Variants in CACNA2D4 observed in about 807,000 individuals in gnomAD.
CACNA2D4 encodes calcium voltage-gated channel auxiliary subunit alpha2delta 4, also known as voltage-dependent calcium channel subunit alpha-2/delta-4.
A neutral mutation model predicts 163.8 loss-of-function variants in CACNA2D4; 157 were observed. That is an observed-to-expected ratio of 0.96 (90% CI 0.84 to 1.09). The LOEUF is 1.09. CACNA2D4 is among the 50% of genes least tolerant of loss of function. The pLI is 0.00. For synonymous variants in CACNA2D4, 598 were observed against 586.9 expected, an observed-to-expected ratio of 1.02 and a Z score of -0.27; for missense variants, 1,410 against 1,479.9, an observed-to-expected ratio of 0.95 and a Z score of 0.78.
At chr12:1,818,076 G>A (rs1403471466) in intron 26 of CACNA2D4, among the ~76,000 whole-genome samples, 1 of 150,666 alleles carries the variant, frequency 6.6e-6, no homozygotes. Flanking sequence ...CTGAGATGTG[G>A]GGAGCGCCTC....
At chr12:1,864,756 T>C (rs1865605480) in intron 18 of CACNA2D4, among the ~76,000 whole-genome samples, 1 of 152,218 alleles carries the variant, frequency 6.6e-6, no homozygotes, top group African/African-American at 2.4e-5. Context: ...TGGGAATATG[T>C]TGATTGAAAA....
intron 18 of CACNA2D4, among the ~76,000 whole-genome samples, chr12:1,870,036 G>C (rs1354587011): frequency 6.6e-6 from 1 of 152,158 alleles, no homozygotes; most frequent in Non-Finnish European, 1.5e-5. Context: ...TTTTGTTTGG[G>C]TGGGTCTGTC....
chr12:1,871,633 G>A (rs112350128), intron 18 of CACNA2D4, among the ~76,000 whole-genome samples: 20 of 150,622 alleles, frequency 1.3e-4, no homozygotes, highest in South Asian at 4.2e-4. Flanking sequence ...ATGTGTACAC[G>A]CGTGTTACTG....
chr12:1,868,715 T>C (rs983080186), intron 18 of CACNA2D4, among the ~76,000 whole-genome samples: 1 of 152,084 alleles, frequency 6.6e-6, no homozygotes, highest in African/African-American at 2.4e-5. Flanking sequence ...CACTTCACTT[T>C]GTATATCAAG....
intron 18 of CACNA2D4, among the ~76,000 whole-genome samples, chr12:1,867,505 C>T (rs1256789367): frequency 2.0e-5 from 3 of 152,082 alleles, no homozygotes; most frequent in Admixed American, 6.6e-5. Context: ...GTAAAGCTTT[C>T]GTTTCAGATA....
chr12:1,912,429 G>A (rs1008217948), intron 3 of CACNA2D4, among the ~76,000 whole-genome samples: 2 of 152,224 alleles, frequency 1.3e-5, no homozygotes, highest in Non-Finnish European at 2.9e-5. Context: ...AGGCTTGGTG[G>A]ATGTCCAGTA....
intron 23 of CACNA2D4, among the ~76,000 whole-genome samples, chr12:1,851,228 T>C (rs1158783524): frequency 6.6e-6 from 1 of 152,240 alleles, no homozygotes; most frequent in Non-Finnish European, 1.5e-5. Flanking sequence ...CATTCCTTTA[T>C]TGCTTCTGAA....
chr12:1,913,641 A>G (rs1866889013), intron 2 of CACNA2D4, among the ~76,000 whole-genome samples: 1 of 152,234 alleles, frequency 6.6e-6, no homozygotes, highest in Admixed American at 6.5e-5. Flanking sequence ...CTGTCCCAGC[A>G]GAGCTCAGCA....
chr12:1,870,446 C>A (rs1355360737), intron 18 of CACNA2D4, among the ~76,000 whole-genome samples: 1 of 151,756 alleles, frequency 6.6e-6, no homozygotes, highest in Non-Finnish European at 1.5e-5. Context: ...TCTGACACTT[C>A]ACGGTGACAA....
At chr12:1,795,072 AGC>A in intron 37 of CACNA2D4, 1 of 586,318 alleles carries the variant, frequency 1.7e-6, no homozygotes, top group Non-Finnish European at 3.0e-6. Flanking sequence ...GGAAATAACA[AGC>A]GTTTTAGGAG....
intron 26 of CACNA2D4, chr12:1,827,822 C>A (rs12813682): frequency 0.47 from 152,293 of 324,142 alleles, 40,320 homozygotes; most frequent in East Asian, 0.69. Context: ...CTGGGTAGGC[C>A]CATGGGTGCA....
intron 6 of CACNA2D4, among the ~76,000 whole-genome samples, chr12:1,891,607 C>T (rs771948890): frequency 6.0e-5 from 9 of 151,130 alleles, no homozygotes; most frequent in South Asian, 2.1e-4. Flanking sequence ...TATATAATAC[C>T]GGAAAATGAA....
chr12:1,862,206 T>C (rs1865540174), intron 18 of CACNA2D4, among the ~76,000 whole-genome samples: 1 of 152,152 alleles, frequency 6.6e-6, no homozygotes, highest in African/African-American at 2.4e-5. Flanking sequence ...TCCTGGGACA[T>C]GTGTTTGCAT....
At chr12:1,862,678 G>C (rs1315176730) in intron 18 of CACNA2D4, among the ~76,000 whole-genome samples, 1 of 152,202 alleles carries the variant, frequency 6.6e-6, no homozygotes, top group Non-Finnish European at 1.5e-5. Context: ...CTCCCGAAGT[G>C]TTGGGATTAG....
chr12:1,831,505 T>C (rs1314727102), intron 26 of CACNA2D4: 3 of 1,613,416 alleles, frequency 1.9e-6, no homozygotes, highest in Non-Finnish European at 2.5e-6. Flanking sequence ...AAACACTGGA[T>C]GGAGTGGTTC....
Position 1,799,283 on chromosome 12 carries a change from G to C in CACNA2D4, c.2995+392C>G, listed in dbSNP as rs933606601. ...CAGGGTCCCGCAGGGGAATCATCCT[G>C]AGAGCTTCCTGGGGCCCCTGGAACC... On this transcript the variant is annotated intron_variant, in intron 34 of 37. Coordinates refer to ENST00000382722, the MANE Select transcript of CACNA2D4 (RefSeq NM_172364.5). This position sits in a 1 kb window ranked among gnomAD's most constrained non-coding sequence, Gnocchi z 4.7. Among the ~76,000 whole-genome samples the C allele has an allele frequency of 3.9e-5, 6 of 152,184 alleles. No individual in the cohort carries two copies. Among genetic ancestry groups the C allele is most frequent in the Non-Finnish European group, 8.8e-5 (6 of 68,024 alleles).
Position 1,853,990 on chromosome 12 carries a change from A to G in CACNA2D4, c.2207T>C (p.Met736Thr). Residue 736 changes from methionine to threonine, a missense_variant, in exon 23 of 38, where the codon ATG becomes ACG. Coordinates refer to ENST00000382722, the MANE Select transcript of CACNA2D4 (RefSeq NM_172364.5). ...GGCCAGCGCTGTCCAGTAGGCTTCC[A>G]TGGGGGCTGTCACCACCGCGTCAAA... Reference protein sequence around the residue: ...VLFDAVVTAPMEAYWTALALN... With the variant: ...VLFDAVVTAPTEAYWTALALN... 1 of 1,613,132 alleles carries G rather than the reference A, an allele frequency of 6.2e-7. No individual in the cohort carries two copies. The highest frequency in any genetic ancestry group is 8.5e-7 in the Non-Finnish European group (1 of 1,179,422).
At chr12:1,905,014 AC>A (rs1866623111) in intron 6 of CACNA2D4, among the ~76,000 whole-genome samples, 1 of 152,114 alleles carries the variant, frequency 6.6e-6, no homozygotes, top group African/African-American at 2.4e-5. Context: ...AAAGGATTAC[AC>A]ACCATAACCA....
At chr12:1,860,848 G>C (rs186591352) in intron 18 of CACNA2D4, among the ~76,000 whole-genome samples, 3 of 152,216 alleles carry the variant, frequency 2.0e-5, no homozygotes. Context: ...GCATCATGTA[G>C]TACAAAAGTG....
Sources: gnomAD v4.1 joint callset for allele counts (sites outside exome capture counted in the v4.1 genomes callset) on GRCh38, gnomAD v4.1.1 for gene constraint, Gnocchi (gnomAD v3.1) non-coding constraint, MANE v1.5 for transcripts, NCBI Gene and HGNC (gene_info 2026-07-23, HGNC 2026-07-21) for gene names.